CROT: variants seen among roughly 807,000 people sequenced by gnomAD.
The protein encoded by CROT is carnitine O-octanoyltransferase, also known as peroxisomal carnitine O-octanoyltransferase.
A neutral mutation model predicts 89.2 loss-of-function variants in CROT; 84 were observed. That is an observed-to-expected ratio of 0.94 (90% CI 0.79 to 1.13). The LOEUF (loss-of-function observed/expected upper bound fraction) is 1.13, where lower values mean the gene tolerates loss of function less well. Among genes scored for constraint, CROT ranks in the 50% most tolerant of loss-of-function variants. The pLI, the probability that CROT is intolerant of heterozygous loss-of-function variation, is 0.00. For missense variants in CROT, 711 were observed against 727.8 expected (o/e 0.98, Z 0.27); for synonymous variants, 212 against 239.5 (o/e 0.89, Z 1.06).
intron 12 of CROT, 100 bp downstream of exon 12, chr7:87,382,281 T>C: frequency 7.1e-7 from 1 of 1,410,258 alleles, no homozygotes; most frequent in Non-Finnish European, 9.8e-7. Context: ...ACAAAACATT[T>C]TAAAATTATG....
At chr7:87,398,310 T>C in intron 17 of CROT, 1 of 678,004 alleles carries the variant, frequency 1.5e-6, no homozygotes, top group East Asian at 2.9e-5. Flanking sequence ...TTCCCCTTTG[T>C]CCCTAGGTGC....
intron 1 of CROT, among the ~76,000 whole-genome samples, chr7:87,346,100 C>G (rs369359817): frequency 6.6e-6 from 1 of 152,204 alleles, no homozygotes; most frequent in Admixed American, 6.5e-5. Context: ...AAAACGTATC[C>G]TCTACCCTTT....
chr7:87,374,223 G>A (rs1208536011), intron 7 of CROT, among the ~76,000 whole-genome samples: 1 of 152,060 alleles, frequency 6.6e-6, no homozygotes, highest in Non-Finnish European at 1.5e-5. Context: ...CCAAGTTAAA[G>A]GAAAAGAGGG....
intron 13 of CROT, among the ~76,000 whole-genome samples, chr7:87,391,095 G>T (rs895986006): frequency 1.3e-5 from 2 of 152,214 alleles, no homozygotes; most frequent in Non-Finnish European, 2.9e-5. Context: ...CCTAGCTGTT[G>T]TCCAGAGGGT....
chr7:87,366,499 T>C (rs1806452993), intron 6 of CROT, among the ~76,000 whole-genome samples: 1 of 152,216 alleles, frequency 6.6e-6, no homozygotes, highest in South Asian at 2.1e-4. Context: ...TTCTTGATGA[T>C]TTTAGCTTTC....
In CROT at chr7:87,345,774, T is replaced by G. The variant is rs1805643275; in HGVS notation, c.-113+7T>G. On this transcript the variant is annotated splice_region_variant and intron_variant, in intron 1 of 17. Transcript: ENST00000331536. Reference sequence around the variant, plus strand: ...GGGCGGTGAGGACGGACAGGTCCGTTGAAGCAGCATTCCCTCCCTCCCCTA... The same window carrying G: ...GGGCGGTGAGGACGGACAGGTCCGTGGAAGCAGCATTCCCTCCCTCCCCTA... 7.0e-6 allele frequency: 2 copies of G among 285,580 alleles called. No homozygotes were observed. Among genetic ancestry groups the G allele is most frequent in the Non-Finnish European group, 6.5e-6 (1 of 154,902 alleles). The allele number at this position is 285,580 out of a possible 1,614,324, so 17.7% of individuals were successfully genotyped here.
intron 6 of CROT, among the ~76,000 whole-genome samples, 161 bp downstream of exon 6, chr7:87,362,013 A>G (rs1806292184): frequency 1.3e-5 from 2 of 152,212 alleles, no homozygotes; most frequent in African/African-American, 4.8e-5. Context: ...GATTAGATGT[A>G]ATTTATGGGA....
intron 7 of CROT, among the ~76,000 whole-genome samples, chr7:87,371,223 A>G (rs539123450): frequency 1.4e-4 from 21 of 152,252 alleles, no homozygotes; most frequent in African/African-American, 4.3e-4. Context: ...GTTTGTATTT[A>G]TAGTCTTCCT....
At chr7:87,359,488 T>C in intron 4 of CROT, 158 bp downstream of exon 4, 1 of 1,384,558 alleles carries the variant, frequency 7.2e-7, no homozygotes, top group Non-Finnish European at 9.3e-7. Context: ...CTTTGGGAGT[T>C]TTCAGTGGGT....
At chr7:87,362,952 G>C (rs1806330102) in intron 6 of CROT, among the ~76,000 whole-genome samples, 2 of 152,154 alleles carry the variant, frequency 1.3e-5, no homozygotes, top group South Asian at 4.1e-4. Flanking sequence ...GATGTTACCA[G>C]TGAAACAATT....
At chr7:87,361,154 G>C (rs1263561864) in intron 4 of CROT, among the ~76,000 whole-genome samples, 2 of 151,222 alleles carry the variant, frequency 1.3e-5, no homozygotes, top group Non-Finnish European at 2.9e-5. Flanking sequence ...GTAGAGACAG[G>C]GTCTTTCTAT....
intron 6 of CROT, among the ~76,000 whole-genome samples, chr7:87,363,081 A>G (rs929939595): frequency 6.6e-6 from 1 of 152,218 alleles, no homozygotes; most frequent in Non-Finnish European, 1.5e-5. Context: ...GAAAATATGC[A>G]TATCAGTTAA....
chr7:87,395,850 G>A (rs1263965996), intron 17 of CROT, among the ~76,000 whole-genome samples: 3 of 152,092 alleles, frequency 2.0e-5, no homozygotes, highest in African/African-American at 4.8e-5. Context: ...GACCTTTAAG[G>A]CTCATTACAT....
chr7:87,360,414 C>T (rs954780315), intron 4 of CROT, among the ~76,000 whole-genome samples: 9 of 152,190 alleles, frequency 5.9e-5, no homozygotes, highest in African/African-American at 9.7e-5. Context: ...AGTCTCGGCT[C>T]ACTGCAACCT....
At chr7:87,359,082 CT>C in intron 3 of CROT, 123 bp from the exon 4 acceptor site, 1 of 685,812 alleles carries the variant, frequency 1.5e-6, no homozygotes, top group East Asian at 2.8e-5. Context: ...TTGTTCTGCT[CT>C]GCTATTTAAT....
intron 3 of CROT, among the ~76,000 whole-genome samples, chr7:87,354,927 T>A (rs1449529649): frequency 6.6e-6 from 1 of 152,166 alleles, no homozygotes; most frequent in Non-Finnish European, 1.5e-5. Context: ...CCTTCACAAA[T>A]CTTATCATGA....
At chr7:87,354,099 G>C (rs1038805963) in intron 3 of CROT, among the ~76,000 whole-genome samples, 1 of 152,154 alleles carries the variant, frequency 6.6e-6, no homozygotes, top group Non-Finnish European at 1.5e-5. Context: ...GAAAACATTT[G>C]ATCAAAACAG....
chr7:87,389,776 A>C (rs970795865), intron 13 of CROT, among the ~76,000 whole-genome samples: 3 of 152,222 alleles, frequency 2.0e-5, no homozygotes, highest in Non-Finnish European at 4.4e-5. Context: ...GTATAATAAA[A>C]AAAATTCTGC....
chr7:87,357,397 T>C (rs1472732073), intron 3 of CROT: 2 of 1,418,020 alleles, frequency 1.4e-6, no homozygotes, highest in East Asian at 2.5e-5. Flanking sequence ...GCTAGAAATA[T>C]TATCCTTGAT....
Sources: allele counts gnomAD v4.1 joint callset (sites outside exome capture counted in the v4.1 genomes callset), GRCh38; gene constraint gnomAD v4.1.1; transcripts MANE v1.5; gene names NCBI Gene and HGNC (gene_info 2026-07-23, HGNC 2026-07-21).